The following NETO2 variants were observed in gnomAD, a reference collection of about 807,000 sequenced individuals.
NETO2 encodes neuropilin and tolloid-like protein 2.
In NETO2, 28 loss-of-function variants were observed where a neutral mutation model predicts 62.5. The observed-to-expected ratio is 0.45, with a 90% confidence interval of 0.33 to 0.61. The LOEUF (loss-of-function observed/expected upper bound fraction) is 0.61. Ranked by LOEUF, NETO2 falls within the 20% of genes least tolerant of loss-of-function variation. The pLI is 0.02. For synonymous variants in NETO2, 214 were observed against 219.1 expected, an observed-to-expected ratio of 0.98 and a Z score of 0.21; for missense variants, 548 against 643.2, an observed-to-expected ratio of 0.85 and a Z score of 1.60.
chr16:47,143,449 G>A, intron 1 of NETO2, 130 bp downstream of exon 1: 9 of 1,106,750 alleles, frequency 8.1e-6, no homozygotes, highest in Non-Finnish European at 1.0e-5. Context: ...CCGAGTAGCC[G>A]CGAGCCCCGC....
rs1963006201 is a variant in NETO2 at position 47,077,772 on chromosome 16, A to G, written c.*5449T>C. 1 of 152,274 alleles carries G rather than the reference A, an allele frequency of 6.6e-6. No homozygotes were observed. The highest frequency in any genetic ancestry group is 1.5e-5 in the Non-Finnish European group (1 of 68,056). 9.4% of individuals were successfully genotyped at this position (152,274 alleles called of 1,614,324 possible). A position where few individuals can be genotyped will look rare whatever the true frequency, so the allele number is the denominator to read the frequency against. On this transcript the variant is annotated 3_prime_UTR_variant, in exon 9 of 9. Transcript: ENST00000562435. Reference sequence around the variant, plus strand: ...TGTTTCTTGATCCTAAATAACACAAAGTAAAATTGCTCTGTAACAATTTAC... The same window carrying G: ...TGTTTCTTGATCCTAAATAACACAAGGTAAAATTGCTCTGTAACAATTTAC...
intron 4 of NETO2, among the ~76,000 whole-genome samples, chr16:47,124,426 A>G (rs1258807170): frequency 6.6e-6 from 1 of 152,202 alleles, no homozygotes; most frequent in South Asian, 2.1e-4. Flanking sequence ...CTCCCTCAGT[A>G]GAGAATTTCA....
intron 8 of NETO2, among the ~76,000 whole-genome samples, chr16:47,084,705 T>C (rs1195161926): frequency 6.6e-6 from 1 of 152,176 alleles, no homozygotes; most frequent in African/African-American, 2.4e-5. Context: ...TATTTTCCCA[T>C]TCAGTATGAC....
chr16:47,122,455 C>T (rs1433297440), intron 6 of NETO2, among the ~76,000 whole-genome samples: 1 of 152,074 alleles, frequency 6.6e-6, no homozygotes, highest in Non-Finnish European at 1.5e-5. Context: ...TGAAGAATTT[C>T]AGAAATTTCA....
At chr16:47,090,592 TC>T (rs556851185) in intron 7 of NETO2, among the ~76,000 whole-genome samples, 3 of 151,706 alleles carry the variant, frequency 2.0e-5, no homozygotes, top group African/African-American at 7.3e-5. Flanking sequence ...GAATTTTGTG[TC>T]CCCCCCAATT....
At chr16:47,114,435 ATTTCTTTT>A (rs1963866611) in intron 6 of NETO2, among the ~76,000 whole-genome samples, 1 of 86,420 alleles carries the variant, frequency 1.2e-5, no homozygotes, top group African/African-American at 3.8e-5. Context: ...CAATTTATAA[ATTTCTTTT>A]TTTTTTTTTT....
rs1433162392 is a variant in NETO2 at position 47,081,473 on chromosome 16, G to A, written c.*1748C>T. 2 of 152,374 alleles carry A rather than the reference G, an allele frequency of 1.3e-5. No individual in the cohort carries two copies. Among genetic ancestry groups the A allele is most frequent in the Non-Finnish European group, 2.9e-5 (2 of 67,928 alleles). The allele number at this position is 152,374 out of a possible 1,614,324, so 9.4% of individuals were successfully genotyped here. A position where few individuals can be genotyped will look rare whatever the true frequency, so the allele number is the denominator to read the frequency against. ...GAATACATTATGTATAGGTTTTTCT[G>A]TCTCCTAAATATTATCTACTTTTTT... On this transcript the variant is annotated 3_prime_UTR_variant, in exon 9 of 9. Coordinates refer to ENST00000562435, the MANE Select transcript of NETO2 (RefSeq NM_018092.5).
intron 7 of NETO2, among the ~76,000 whole-genome samples, chr16:47,105,031 CT>C (rs966217650): frequency 7.1e-6 from 1 of 141,782 alleles, no homozygotes; most frequent in Non-Finnish European, 1.5e-5. Context: ...TTTTTTTTTT[CT>C]TTTTTTTACT....
At chr16:47,110,547 C>A (rs1227071790) in intron 6 of NETO2, among the ~76,000 whole-genome samples, 1 of 152,196 alleles carries the variant, frequency 6.6e-6, no homozygotes, top group Admixed American at 6.5e-5. Context: ...GTTGGTCTGA[C>A]TCTAAATGTG....
intron 7 of NETO2, among the ~76,000 whole-genome samples, chr16:47,094,838 T>C (rs1368285087): frequency 6.6e-6 from 1 of 152,130 alleles, no homozygotes; most frequent in African/African-American, 2.4e-5. Flanking sequence ...CCCATCTCAG[T>C]CTCCTGAGTG....
Position 47,143,711 on chromosome 16 carries a change from C to T in NETO2, c.-99G>A, listed in dbSNP as rs1234019283. The T allele has an allele frequency of 1.0e-5, 12 of 1,198,676 alleles. No individual in the cohort carries two copies. Among genetic ancestry groups the T allele is most frequent in the South Asian group, 4.2e-5 (1 of 23,768 alleles). 74.3% of individuals were successfully genotyped at this position (1,198,676 alleles called of 1,614,324 possible). On this transcript the variant is annotated 5_prime_UTR_variant, in exon 1 of 9. Transcript: ENST00000562435. ...CGGCGGCGACGGCCCCACTCCGTCC[C>T]CATCGCCGGCCAGCAGCTGCCTCCC...
chr16:47,131,967 A>G lies in NETO2; in HGVS notation c.91+2T>C. 6.2e-7 allele frequency: 1 copy of G among 1,611,456 alleles called. No homozygotes were observed. The highest frequency in any genetic ancestry group is 8.5e-7 in the Non-Finnish European group (1 of 1,177,878). ...AGTAAGTCACCAATGTAAGTACTTT[A>G]CCTTGGGTTTTTTGGGCCACGGCAA... On this transcript the variant is annotated splice_donor_variant, in intron 2 of 8. Coordinates refer to ENST00000562435, the MANE Select transcript of NETO2 (RefSeq NM_018092.5). LOFTEE classifies it high-confidence loss of function.
rs1331947753 is a variant in NETO2, at chr16:47,082,597, A to G, written c.*624T>C. On this transcript the variant is annotated 3_prime_UTR_variant, in exon 9 of 9. Coordinates refer to ENST00000562435, the MANE Select transcript of NETO2 (RefSeq NM_018092.5). ...CACAGAAAATAAGGAATAAGGGCCC[A>G]GTAATTAAAAGGCAGAAGTACAGAG... 1 of 152,266 alleles carries G rather than the reference A, an allele frequency of 6.6e-6. No individual in the cohort carries two copies. Among genetic ancestry groups the G allele is most frequent in the Non-Finnish European group, 1.5e-5 (1 of 68,050 alleles). 9.4% of individuals were successfully genotyped at this position (152,266 alleles called of 1,614,324 possible). A position where few individuals can be genotyped will look rare whatever the true frequency, so the allele number is the denominator to read the frequency against.
intron 1 of NETO2, among the ~76,000 whole-genome samples, chr16:47,138,849 G>C (rs1297684273): frequency 1.3e-5 from 2 of 152,086 alleles, no homozygotes; most frequent in Non-Finnish European, 2.9e-5. Flanking sequence ...CTGGCCTTCC[G>C]AGCGCTCTCT....
At chr16:47,115,973 A>G (rs755141813) in intron 6 of NETO2, among the ~76,000 whole-genome samples, 92 of 151,828 alleles carry the variant, frequency 6.1e-4, no homozygotes, top group Non-Finnish European at 8.2e-4. Flanking sequence ...TTATATAGAC[A>G]ACGATATCTT....
intron 6 of NETO2, among the ~76,000 whole-genome samples, chr16:47,114,977 A>G (rs1000781737): frequency 3.3e-5 from 5 of 152,130 alleles, no homozygotes; most frequent in Admixed American, 3.3e-4. Flanking sequence ...TGGAGGTTCA[A>G]TTGTTCCAGC....
At chr16:47,115,710 T>C (rs1369699747) in intron 6 of NETO2, among the ~76,000 whole-genome samples, 3 of 136,514 alleles carry the variant, frequency 2.2e-5, no homozygotes, top group South Asian at 4.3e-4. Context: ...TATATATATA[T>C]ATACATATAT....
At chr16:47,086,015 A>G (rs1963181409) in intron 8 of NETO2, among the ~76,000 whole-genome samples, 1 of 152,122 alleles carries the variant, frequency 6.6e-6, no homozygotes, top group Admixed American at 6.5e-5. Context: ...CTAAGGCAGG[A>G]GAATGGTGTG....
intron 1 of NETO2, among the ~76,000 whole-genome samples, chr16:47,141,983 A>G (rs538860827): frequency 7.4e-4 from 112 of 152,282 alleles, no homozygotes; most frequent in Middle Eastern, 6.8e-3. Context: ...CTGCAGGTAA[A>G]GCGGTGTGAC....
Sources: allele counts gnomAD v4.1 joint callset (sites outside exome capture counted in the v4.1 genomes callset), GRCh38; gene constraint gnomAD v4.1.1; transcripts MANE v1.5; gene names NCBI Gene and HGNC (gene_info 2026-07-23, HGNC 2026-07-21).